The following AUTS2 variants were observed in gnomAD, a reference collection of about 807,000 sequenced individuals.
AUTS2 encodes activator of transcription and developmental regulator AUTS2.
Under a neutral mutation model 112.4 loss-of-function variants are expected in AUTS2, and 17 were observed. The observed-to-expected ratio is 0.15, with a 90% confidence interval of 0.10 to 0.23. The LOEUF (loss-of-function observed/expected upper bound fraction) is 0.23, where lower values mean the gene tolerates loss of function less well. Ranked by LOEUF, AUTS2 falls within the 10% of genes least tolerant of loss-of-function variation. The pLI, the probability that AUTS2 is intolerant of heterozygous loss-of-function variation, is 1.00. For missense variants in AUTS2, 1,510 were observed against 1,701.6 expected (o/e 0.89, Z 1.98); for synonymous variants, 751 against 702.7 (o/e 1.07, Z -1.09).
intron 2 of AUTS2, among the ~76,000 whole-genome samples, chr7:70,064,737 A>G (rs931179171): frequency 6.6e-6 from 1 of 152,220 alleles, no homozygotes; most frequent in Non-Finnish European, 1.5e-5. Flanking sequence ...TTTAAGAGTC[A>G]TAGTATGGAG....
chr7:70,239,148 A>G (rs991427676), intron 4 of AUTS2, among the ~76,000 whole-genome samples: 2 of 151,996 alleles, frequency 1.3e-5, no homozygotes, highest in Non-Finnish European at 2.9e-5. Flanking sequence ...TCTCCTCCAT[A>G]ATTTTATGAA....
chr7:69,941,427 A>G lies in AUTS2; in HGVS notation c.522+41929A>G, dbSNP rs1434009157. Among the ~76,000 whole-genome samples, 4 of 152,170 alleles carry G rather than the reference A, an allele frequency of 2.6e-5. No homozygotes were observed. The East Asian group carries it at 7.7e-4, about 29-fold the overall frequency. On this transcript the variant is annotated intron_variant, in intron 2 of 18. Coordinates refer to ENST00000342771, the MANE Select transcript of AUTS2 (RefSeq NM_015570.4). ...GTCTTTCCTGTCTAGAGAACCACCA[A>G]AAGTGTCATTCTGATTACCATTTGT...
chr7:70,285,102 A>ATT (rs35363920), intron 4 of AUTS2, among the ~76,000 whole-genome samples: 4 of 147,388 alleles, frequency 2.7e-5, no homozygotes, highest in Non-Finnish European at 4.5e-5. Context: ...AGCCATGCTG[A>ATT]TTTTTTTTTT....
intron 5 of AUTS2, among the ~76,000 whole-genome samples, chr7:70,624,027 A>G (rs1210008768): frequency 1.3e-5 from 2 of 152,250 alleles, no homozygotes; most frequent in Non-Finnish European, 2.9e-5. Context: ...CTACCAGGGA[A>G]GTACCTACCT....
intron 4 of AUTS2, among the ~76,000 whole-genome samples, chr7:70,319,859 G>A (rs577775570): frequency 2.0e-5 from 3 of 152,066 alleles, no homozygotes; most frequent in African/African-American, 7.2e-5. Context: ...CCCTTATGAA[G>A]CTTACATTTT....
At chr7:69,605,277 A>T (rs1232471523) in intron 1 of AUTS2, among the ~76,000 whole-genome samples, 2 of 152,144 alleles carry the variant, frequency 1.3e-5, no homozygotes, top group Non-Finnish European at 2.9e-5. Context: ...GGTGCGTGGG[A>T]GCTGCTTCTT....
At chr7:70,341,357 T>C (rs1791256449) in intron 4 of AUTS2, among the ~76,000 whole-genome samples, 1 of 152,266 alleles carries the variant, frequency 6.6e-6, no homozygotes, top group African/African-American at 2.4e-5. Context: ...CAATTCGATA[T>C]ACTGTCAGCT....
chr7:70,658,332 C>A (rs773293593), intron 5 of AUTS2, among the ~76,000 whole-genome samples: 4 of 152,222 alleles, frequency 2.6e-5, no homozygotes, highest in Non-Finnish European at 4.4e-5. Flanking sequence ...AGACCACTCC[C>A]CCCCAACACC....
intron 5 of AUTS2, among the ~76,000 whole-genome samples, chr7:70,675,059 G>A (rs1166993715): frequency 6.6e-6 from 1 of 151,702 alleles, no homozygotes; most frequent in Non-Finnish European, 1.5e-5. Context: ...TCTACCTCAG[G>A]TGTGGCCTGT....
intron 5 of AUTS2, among the ~76,000 whole-genome samples, chr7:70,638,272 G>A (rs576108254): frequency 3.0e-4 from 46 of 152,164 alleles, no homozygotes; most frequent in Non-Finnish European, 4.4e-4. Context: ...GACGAGTCCC[G>A]CCATAAAACC....
intron 2 of AUTS2, among the ~76,000 whole-genome samples, chr7:69,987,109 C>A (rs1451522226): frequency 6.6e-6 from 1 of 152,164 alleles, no homozygotes; most frequent in African/African-American, 2.4e-5. Flanking sequence ...CATTTTACAT[C>A]ACACCATAAT....
chr7:70,756,967 A>G (rs1789250611), intron 6 of AUTS2, among the ~76,000 whole-genome samples: 1 of 152,210 alleles, frequency 6.6e-6, no homozygotes, highest in African/African-American at 2.4e-5. Context: ...GTTGCTGCGC[A>G]CGTTGCAGCA....
At chr7:70,573,798 A>G (rs1034171547) in intron 5 of AUTS2, among the ~76,000 whole-genome samples, 5 of 151,640 alleles carry the variant, frequency 3.3e-5, no homozygotes, top group African/African-American at 1.2e-4. Context: ...ACACCATTGC[A>G]TAACTAGTTT....
intron 4 of AUTS2, among the ~76,000 whole-genome samples, chr7:70,227,528 T>C (rs750079361): frequency 6.6e-6 from 1 of 152,130 alleles, no homozygotes; most frequent in East Asian, 1.9e-4. Context: ...CTCCATTCTT[T>C]GATTTCTTAA....
chr7:69,632,697 C>T (rs959023284), intron 1 of AUTS2, among the ~76,000 whole-genome samples: 1 of 151,756 alleles, frequency 6.6e-6, no homozygotes, highest in Non-Finnish European at 1.5e-5. Context: ...GGTAGTAGAG[C>T]CAGCTCACGT....
intron 4 of AUTS2, among the ~76,000 whole-genome samples, chr7:70,174,839 G>A (rs1173993245): frequency 6.6e-6 from 1 of 152,156 alleles, no homozygotes; most frequent in Non-Finnish European, 1.5e-5. Flanking sequence ...CATTGATAAT[G>A]TACATGATCA....
At chr7:70,669,501 A>C (rs185345718) in intron 5 of AUTS2, among the ~76,000 whole-genome samples, 1 of 152,298 alleles carries the variant, frequency 6.6e-6, no homozygotes, top group Admixed American at 6.5e-5. Context: ...ACTTCAGTGC[A>C]TTTAGTCCAG....
intron 4 of AUTS2, among the ~76,000 whole-genome samples, chr7:70,366,248 G>A (rs1258039650): frequency 1.3e-5 from 2 of 152,052 alleles, no homozygotes; most frequent in Non-Finnish European, 2.9e-5. Context: ...AGATCCATAA[G>A]CAAATAACAC....
chr7:69,998,281 G>A (rs549113872), intron 2 of AUTS2, among the ~76,000 whole-genome samples: 15 of 151,992 alleles, frequency 9.9e-5, no homozygotes, highest in South Asian at 8.3e-4. Context: ...TCCTGGACCC[G>A]GGTGACCCTC....
Sources: gnomAD v4.1 joint callset for allele counts (sites outside exome capture counted in the v4.1 genomes callset) on GRCh38, gnomAD v4.1.1 for gene constraint, MANE v1.5 for transcripts, NCBI Gene and HGNC (gene_info 2026-07-23, HGNC 2026-07-21) for gene names.